The following SCNN1B variants were observed in gnomAD, a reference collection of about 807,000 sequenced individuals.
SCNN1B encodes sodium channel epithelial 1 subunit beta.
SCNN1B carries 46 observed loss-of-function variants against 65.3 expected under a neutral mutation model. The observed-to-expected ratio is 0.70, with a 90% CI of 0.56 to 0.90. The LOEUF is 0.90. Among genes scored for constraint, SCNN1B ranks in the 40% least tolerant of loss-of-function variants. The probability of loss-of-function intolerance (pLI) is 0.00; values close to 1 mark genes in which losing one functional copy is unlikely to be tolerated. For missense variants in SCNN1B, 751 were observed against 830.5 expected (o/e 0.90, Z 1.18); for synonymous variants, 349 against 330.6 (o/e 1.06, Z -0.60).
chr16:23,349,449 T>C (rs1962262346), intron 2 of SCNN1B, among the ~76,000 whole-genome samples: 1 of 152,102 alleles, frequency 6.6e-6, no homozygotes, highest in South Asian at 2.1e-4. Flanking sequence ...ATGGCGCCAC[T>C]TGAGTTTCAA....
rs1429751160 is a variant in SCNN1B, at chr16:23,348,871, A to G, written c.272A>G (p.Asp91Gly). 4 of 1,613,838 alleles carry G rather than the reference A, an allele frequency of 2.5e-6. No homozygotes were observed. The highest frequency in any genetic ancestry group is 8.5e-7 in the Non-Finnish European group (1 of 1,179,986). Residue 91 changes from aspartate to glycine, a missense_variant, in exon 2 of 13, where the codon GAC (aspartate) becomes GGC (glycine). Coordinates refer to ENST00000343070, the MANE Select transcript of SCNN1B (RefSeq NM_000336.3). The surrounding 1 kb of genome is among the most constrained non-coding windows in gnomAD (Gnocchi z 4.5). ...VSLSVGFKTM[D>G]FPAVTICNAS... ...CTCTCCGTAGGCTTCAAGACCATGG[A>G]CTTCCCTGCCGTCACCATCTGCAAT...
rs1015117529 is a variant in SCNN1B at position 23,294,166 on chromosome 16, C to G, written n.178+10362C>G. Among the ~76,000 whole-genome samples the G allele has an allele frequency of 3.9e-5, 6 of 152,142 alleles. No individual in the cohort carries two copies. In the South Asian group the frequency reaches 1.2e-3, roughly 32 times the overall value. On this transcript the variant is annotated intron_variant and non_coding_transcript_variant, in intron 2 of 3. Transcript: ENST00000569789. ...TTTGAGGCCAGGAGTTCAAGACCAA[C>G]CTGGCCAACATAACAGAACCCCATC...
At chr16:23,299,059 C>CTT (rs552336545), upstream of SCNN1B, among the ~76,000 whole-genome samples, 170 of 130,538 alleles carry the variant, frequency 1.3e-3, no homozygotes, top group African/African-American at 4.1e-3. Flanking sequence ...TTTTCTTTTT[C>CTT]TTTTTTTTTT....
At position 23,380,667 on chromosome 16, in the gene SCNN1B, C is replaced by T. The variant is rs373718332; in HGVS notation, c.1789C>T (p.Arg597Cys). Residue 597 changes from arginine to cysteine, a missense_variant, in exon 13 of 13, where the codon CGC becomes TGC. Arg to Cys is a radical substitution (Grantham distance 180, BLOSUM62 -3). Transcript: ENST00000343070. The surrounding 1 kb of genome is among the most constrained non-coding windows in gnomAD (Gnocchi z 5.4). ...TGGCTTCCAGCCTGACACGGCCCCC[C>T]GCAGCCCCAACACTGGGCCCTACCC... ...NFGFQPDTAP[R>C]SPNTGPYPSE... 5.4e-5 allele frequency: 87 copies of T among 1,612,488 alleles called. No individual in the cohort carries two copies. The highest frequency in any genetic ancestry group is 1.7e-4 in the Middle Eastern group (1 of 5,930).
At chr16:23,290,536 G>A (rs924821505) in intron 2 of SCNN1B, among the ~76,000 whole-genome samples, 1 of 152,118 alleles carries the variant, frequency 6.6e-6, no homozygotes, top group Non-Finnish European at 1.5e-5. Context: ...TCAAACGCCT[G>A]GACTCAAGCA....
At chr16:23,376,855 A>G (rs1420076036) in intron 8 of SCNN1B, among the ~76,000 whole-genome samples, 3 of 152,048 alleles carry the variant, frequency 2.0e-5, no homozygotes, top group Non-Finnish European at 4.4e-5. Flanking sequence ...ACTAAATGGG[A>G]AAACGTTATT....
At position 23,327,406 on chromosome 16, in the gene SCNN1B, G is replaced by T. The variant is rs578200866; in HGVS notation, c.-8-21186G>T. Among the ~76,000 whole-genome samples the T allele has an allele frequency of 2.7e-3, 413 of 152,122 alleles. 1 individual carries two copies. The highest frequency in any genetic ancestry group is 9.8e-3 in the African/African-American group (405 of 41,518). On this transcript the variant is annotated intron_variant, in intron 1 of 12. Transcript: ENST00000343070. Reference sequence around the variant, plus strand: ...AAATTAGCCAGGCATGGTGGTGCACGCCTGTAATCCCAGCTACTCAGGAGG... The same window carrying T: ...AAATTAGCCAGGCATGGTGGTGCACTCCTGTAATCCCAGCTACTCAGGAGG...
At chr16:23,305,555 T>A (rs1459730888) in intron 1 of SCNN1B, among the ~76,000 whole-genome samples, 8,390 of 49,502 alleles carry the variant, frequency 0.17, 1,216 homozygotes, top group African/African-American at 0.34. Context: ...TATATATATA[T>A]ATATATATAT....
chr16:23,295,382 G>A (rs1424770667), intron 2 of SCNN1B, among the ~76,000 whole-genome samples: 1 of 151,160 alleles, frequency 6.6e-6, no homozygotes, highest in African/African-American at 2.4e-5. Context: ...ACCATGCCCA[G>A]CAATTTATTT....
At chr16:23,294,435 T>C (rs1960967222) in intron 2 of SCNN1B, among the ~76,000 whole-genome samples, 1 of 151,886 alleles carries the variant, frequency 6.6e-6, no homozygotes, top group African/African-American at 2.4e-5. Context: ...TACACTGGCC[T>C]ATAAGACTCT....
intron 7 of SCNN1B, among the ~76,000 whole-genome samples, chr16:23,372,460 C>T (rs1409493745): frequency 6.6e-6 from 1 of 151,332 alleles, no homozygotes; most frequent in Non-Finnish European, 1.5e-5. Context: ...TTGACAGACC[C>T]CAGTTCAAAT....
rs11074557 is a variant in SCNN1B at position 23,372,215 on chromosome 16, G to A, written c.1152+332G>A. 0.23 allele frequency: 93,653 copies of A among 411,468 alleles called. 11,121 individuals are homozygous for A. Among genetic ancestry groups the A allele is most frequent in the East Asian group, 0.34 (6,627 of 19,294 alleles). 25.5% of individuals were successfully genotyped at this position (411,468 alleles called of 1,614,324 possible). On this transcript the variant is annotated intron_variant, in intron 7 of 12. Coordinates refer to ENST00000343070, the MANE Select transcript of SCNN1B (RefSeq NM_000336.3). The stretch of plus-strand genomic sequence containing the variant: ...TTCCATTGTGTGTGAAATGCTGTGC[G>A]AAGGGCTGGAACACATTCCATCGTC...
At position 23,322,466 on chromosome 16, in the gene SCNN1B, A is replaced by T. The variant is rs934994421; in HGVS notation, c.-9+20029A>T. Among the ~76,000 whole-genome samples, 8 of 147,880 alleles carry T rather than the reference A, an allele frequency of 5.4e-5. No individual in the cohort carries two copies. The East Asian group carries it at 1.4e-3, about 26-fold the overall frequency. On this transcript the variant is annotated intron_variant, in intron 1 of 12. Coordinates refer to ENST00000343070, the MANE Select transcript of SCNN1B (RefSeq NM_000336.3). ...AGGTGCACACCACCATGCTTGGCTA[A>T]TTTTTTTTTTTAATTTATATGTTTT...
intron 1 of SCNN1B, among the ~76,000 whole-genome samples, chr16:23,311,165 T>C (rs1436033942): frequency 1.3e-5 from 2 of 152,264 alleles, no homozygotes; most frequent in Non-Finnish European, 2.9e-5. Context: ...TGGGCACAAC[T>C]TGTTAGAACA....
intron 1 of SCNN1B, among the ~76,000 whole-genome samples, chr16:23,342,879 C>T (rs896298183): frequency 2.0e-5 from 3 of 152,078 alleles, no homozygotes; most frequent in Non-Finnish European, 4.4e-5. Flanking sequence ...TGAGAAATAA[C>T]TTCTAATGGG....
At chr16:23,328,659 T>C in intron 1 of SCNN1B, among the ~76,000 whole-genome samples, 1 of 152,232 alleles carries the variant, frequency 6.6e-6, no homozygotes, top group Middle Eastern at 3.2e-3. Flanking sequence ...TCTGAGTTCC[T>C]AAAATTCGGA....
Position 23,311,185 on chromosome 16 carries a change from G to A in SCNN1B, c.-9+8748G>A, listed in dbSNP as rs559294071. Among the ~76,000 whole-genome samples, 6 of 152,338 alleles carry A rather than the reference G, an allele frequency of 3.9e-5. No homozygotes were observed. In the South Asian group the frequency reaches 1.0e-3, roughly 26 times the overall value. On this transcript the variant is annotated intron_variant, in intron 1 of 12. Coordinates refer to ENST00000343070, the MANE Select transcript of SCNN1B (RefSeq NM_000336.3). The stretch of plus-strand genomic sequence containing the variant: ...ACAACTTGTTAGAACAAGGATATTC[G>A]GCACTGTGAGAACAAGCAATTGGAA...
At chr16:23,335,599 A>C (rs1473239129) in intron 1 of SCNN1B, among the ~76,000 whole-genome samples, 1 of 151,638 alleles carries the variant, frequency 6.6e-6, no homozygotes, top group Non-Finnish European at 1.5e-5. Flanking sequence ...GGTGTGTGCC[A>C]CCATGCCCAG....
At chr16:23,305,188 T>C (rs533358904) in intron 1 of SCNN1B, among the ~76,000 whole-genome samples, 1 of 152,078 alleles carries the variant, frequency 6.6e-6, no homozygotes, top group Non-Finnish European at 1.5e-5. Flanking sequence ...TGCCTGGTCC[T>C]GGGTTAAGAC....
Sources: allele counts gnomAD v4.1 joint callset (sites outside exome capture counted in the v4.1 genomes callset), GRCh38; gene constraint gnomAD v4.1.1; non-coding constraint Gnocchi (gnomAD v3.1); transcripts MANE v1.5; gene names NCBI Gene and HGNC (gene_info 2026-07-23, HGNC 2026-07-21).